NMNAT2: variants seen among roughly 807,000 people sequenced by gnomAD.
NMNAT2 encodes nicotinamide/nicotinic acid mononucleotide adenylyltransferase 2.
Under a neutral mutation model 41.6 loss-of-function variants are expected in NMNAT2, and 11 were observed. The observed-to-expected ratio is 0.26, with a 90% CI of 0.17 to 0.44. The LOEUF is 0.44. NMNAT2 is among the 20% of genes least tolerant of loss of function. The pLI, the probability that NMNAT2 is intolerant of heterozygous loss-of-function variation, is 1.00. For missense variants in NMNAT2, 288 were observed against 407.7 expected (o/e 0.71, Z 2.53); for synonymous variants, 148 against 151.2 (o/e 0.98, Z 0.16).
chr1:183,365,083 C>G (rs1663389005), intron 1 of NMNAT2, among the ~76,000 whole-genome samples: 1 of 152,132 alleles, frequency 6.6e-6, no homozygotes, highest in African/African-American at 2.4e-5. Context: ...CTGAAGATTC[C>G]TTATAGTTCT....
intron 10 of NMNAT2, among the ~76,000 whole-genome samples, chr1:183,260,202 G>GACAAAGCTTCTTGCC (rs1660622756): frequency 6.6e-6 from 1 of 152,186 alleles, no homozygotes; most frequent in Non-Finnish European, 1.5e-5. Flanking sequence ...TCACCTTAAA[G>GACAAAGCTTCTTGCC]ACAAAGCTTC....
At chr1:183,357,387 G>A (rs1203418459) in intron 1 of NMNAT2, among the ~76,000 whole-genome samples, 1 of 151,568 alleles carries the variant, frequency 6.6e-6, no homozygotes, top group African/African-American at 2.4e-5. Flanking sequence ...CTGCCACCAC[G>A]CCCGGCTAAT....
chr1:183,359,207 A>G (rs937054727), intron 1 of NMNAT2, among the ~76,000 whole-genome samples: 4 of 152,174 alleles, frequency 2.6e-5, no homozygotes, highest in Non-Finnish European at 5.9e-5. Context: ...AATGGAGGCT[A>G]GGGCATGTCC....
chr1:183,371,960 T>G (rs1433001164), intron 1 of NMNAT2, among the ~76,000 whole-genome samples: 1 of 152,084 alleles, frequency 6.6e-6, no homozygotes, highest in African/African-American at 2.4e-5. Context: ...TTTCAATTTT[T>G]TGTAGAGATG....
intron 1 of NMNAT2, among the ~76,000 whole-genome samples, chr1:183,321,807 T>TTTTGA (rs941739521): frequency 2.6e-5 from 4 of 151,866 alleles, no homozygotes; most frequent in African/African-American, 9.7e-5. Context: ...GATTTTTGGT[T>TTTTGA]TTTGTTTTGT....
intron 10 of NMNAT2, 95 bp downstream of exon 10, chr1:183,260,907 G>T: frequency 1.1e-6 from 1 of 923,610 alleles, no homozygotes; most frequent in Non-Finnish European, 1.8e-6. Flanking sequence ...GCAGATGTCT[G>T]CCTGAATCTT....
At chr1:183,295,992 G>C (rs1661683234) in intron 1 of NMNAT2, among the ~76,000 whole-genome samples, 1 of 151,292 alleles carries the variant, frequency 6.6e-6, no homozygotes, top group Non-Finnish European at 1.5e-5. Context: ...GGGATTACAG[G>C]CGCCTACCAC....
chr1:183,310,895 C>T (rs1426985249), intron 1 of NMNAT2, among the ~76,000 whole-genome samples: 2 of 151,816 alleles, frequency 1.3e-5, no homozygotes, highest in Non-Finnish European at 1.5e-5. Flanking sequence ...TCTGTTTTTC[C>T]ACCCCTTTTA....
intron 1 of NMNAT2, among the ~76,000 whole-genome samples, chr1:183,398,226 C>A (rs983551616): frequency 1.3e-5 from 2 of 151,896 alleles, no homozygotes; most frequent in East Asian, 3.9e-4. Context: ...ATCTACCAAG[C>A]AAATGGAAAA....
chr1:183,400,361 G>A (rs1369961077), intron 1 of NMNAT2, among the ~76,000 whole-genome samples: 10 of 152,266 alleles, frequency 6.6e-5, no homozygotes, highest in Admixed American at 5.2e-4. Flanking sequence ...TACAAGGGAC[G>A]TGAAGGACCT....
At chr1:183,252,849 G>T in intron 10 of NMNAT2, 106 bp from the exon 11 acceptor site, 1 of 796,378 alleles carries the variant, frequency 1.3e-6, no homozygotes. Flanking sequence ...CCTTTTCTCA[G>T]GTTGAGTAAA....
At chr1:183,395,807 C>A (rs994862005) in intron 1 of NMNAT2, among the ~76,000 whole-genome samples, 1 of 152,162 alleles carries the variant, frequency 6.6e-6, no homozygotes, top group African/African-American at 2.4e-5. Context: ...TTTCTGCCAA[C>A]TGCAATGTAA....
intron 1 of NMNAT2, among the ~76,000 whole-genome samples, chr1:183,399,089 C>CA (rs975831819): frequency 1.3e-4 from 20 of 151,832 alleles, no homozygotes; most frequent in African/African-American, 4.6e-4. Flanking sequence ...GATAGAGACA[C>CA]AAAAAAACCT....
At chr1:183,387,987 A>G (rs1340541568) in intron 1 of NMNAT2, among the ~76,000 whole-genome samples, 1 of 152,220 alleles carries the variant, frequency 6.6e-6, no homozygotes, top group Non-Finnish European at 1.5e-5. Flanking sequence ...AATAATAGCT[A>G]ACTCTAACTT....
In NMNAT2 at chr1:183,275,671, A is replaced by G. The variant is rs1231161759; in HGVS notation, c.651+2882T>C. On this transcript the variant is annotated intron_variant, in intron 8 of 10. Transcript: ENST00000287713. Reference sequence around the variant, plus strand: ...GATCCCAGGATATGAGCATTTCCGTATTTTATTTATTTTATTTTTTAGACA... The same window carrying G: ...GATCCCAGGATATGAGCATTTCCGTGTTTTATTTATTTTATTTTTTAGACA... Among the ~76,000 whole-genome samples, 3 of 7,102 alleles carry G rather than the reference A, an allele frequency of 4.2e-4. No individual in the cohort carries two copies. In the Non-Finnish European group the frequency reaches 0.021, roughly 49 times the overall value. The allele number at this position is 7,102 out of a possible 152,430, so 4.7% of individuals were successfully genotyped here.
intron 1 of NMNAT2, among the ~76,000 whole-genome samples, chr1:183,385,675 T>C (rs1054975250): frequency 1.3e-4 from 20 of 152,034 alleles, no homozygotes; most frequent in Admixed American, 1.2e-3. Flanking sequence ...ACCTCACATA[T>C]GAGATTTGGC....
chr1:183,418,241 A>T lies in NMNAT2; in HGVS notation c.27T>A (p.Val9=). MTETTKTH[V]ILLACGSFNP... is the part of the protein sequence containing the mutation. ...TGAAGCTGCCGCAGGCGAGCAAGAT[A>T]ACGTGGGTCTTGGTGGTCTCGGTCA... is the stretch of plus-strand genomic sequence containing the variant. The change falls in exon 1 of 11, where the codon GTT becomes GTA. Residue 9 remains valine, a synonymous_variant. Coordinates refer to ENST00000287713, the MANE Select transcript of NMNAT2 (RefSeq NM_015039.4). 1.2e-6 allele frequency: 2 copies of T among 1,613,532 alleles called. No individual in the cohort carries two copies. Among genetic ancestry groups the T allele is most frequent in the South Asian group, 1.1e-5 (1 of 91,042 alleles).
At chr1:183,414,755 A>C (rs1210531951) in intron 1 of NMNAT2, among the ~76,000 whole-genome samples, 1 of 152,210 alleles carries the variant, frequency 6.6e-6, no homozygotes, top group Non-Finnish European at 1.5e-5. Context: ...TTCATTCTAA[A>C]AATATTTACA....
chr1:183,318,063 C>T (rs1662290434), intron 1 of NMNAT2, among the ~76,000 whole-genome samples: 2 of 152,192 alleles, frequency 1.3e-5, no homozygotes, highest in Non-Finnish European at 2.9e-5. Flanking sequence ...CCTTCACAAA[C>T]AGTTATTCTA....
Sources: gnomAD v4.1 joint callset for allele counts (sites outside exome capture counted in the v4.1 genomes callset) on GRCh38, gnomAD v4.1.1 for gene constraint, MANE v1.5 for transcripts, NCBI Gene and HGNC (gene_info 2026-07-23, HGNC 2026-07-21) for gene names.